The following PCSK5 variants were observed in gnomAD, a reference collection of about 807,000 sequenced individuals.
PCSK5 encodes prohormone convertase 5.
In PCSK5, 129 loss-of-function variants were observed where a neutral mutation model predicts 233.2. That is an observed-to-expected ratio of 0.55 (90% confidence interval 0.48 to 0.64). PCSK5 has a LOEUF of 0.64. Among genes scored for constraint, PCSK5 ranks in the 30% least tolerant of loss-of-function variants. The pLI is 0.00. For synonymous variants in PCSK5, 825 were observed against 879.2 expected (o/e 0.94, Z 1.09); for missense variants, 2,076 against 2,430.1 (o/e 0.85, Z 3.06).
At chr9:76,111,389 A>T (rs1359451109) in intron 9 of PCSK5, among the ~76,000 whole-genome samples, 1 of 152,192 alleles carries the variant, frequency 6.6e-6, no homozygotes, top group Non-Finnish European at 1.5e-5. Context: ...TGACAGTCTC[A>T]TCATGAGTCT....
rs540255145 is a variant in PCSK5 at position 76,166,862 on chromosome 9, T to TG, written c.1620-2842_1620-2841insG. Among the ~76,000 whole-genome samples, 28 of 152,344 alleles carry TG rather than the reference T, an allele frequency of 1.8e-4. No homozygotes were observed. In the South Asian group the frequency reaches 5.6e-3, roughly 30 times the overall value. On this transcript the variant is annotated intron_variant, in intron 12 of 37. Transcript: ENST00000674117. The stretch of plus-strand genomic sequence containing the variant: ...AACATCTCTCTGTTAGAAAGGGCAG[T>TG]TTGAAAAAGCTCCTCTTCCCCTTCT...
chr9:76,046,155 C>CTTTTGGTTTTT (rs1829363745), intron 5 of PCSK5, among the ~76,000 whole-genome samples: 1 of 55,702 alleles, frequency 1.8e-5, no homozygotes, highest in African/African-American at 5.2e-5. Context: ...ATAATTTTTT[C>CTTTTGGTTTTT]TTTTGTTTTT....
Position 75,908,984 on chromosome 9 carries a change from T to TATCTATCTATCTATC in PCSK5, c.192+17618_192+17619insTATCTATCATCTATC, listed in dbSNP as rs1361343985. Among the ~76,000 whole-genome samples, 11 of 141,812 alleles carry TATCTATCTATCTATC rather than the reference T, an allele frequency of 7.8e-5. No individual in the cohort carries two copies. In the East Asian group the frequency reaches 1.9e-3, roughly 25 times the overall value. 93.0% of individuals were successfully genotyped at this position (141,812 alleles called of 152,430 possible). ...CTATCTATCTATCTATCTATCTATC[T>TATCTATCTATCTATC]ATCTATCCGATTTTCTCTCCTCTGC... On this transcript the variant is annotated intron_variant, in intron 1 of 37. Coordinates refer to ENST00000674117, the MANE Select transcript of PCSK5 (RefSeq NM_001372043.1).
intron 20 of PCSK5, among the ~76,000 whole-genome samples, chr9:76,201,142 T>A (rs11144793): frequency 0.16 from 24,087 of 152,206 alleles, 2,382 homozygotes; most frequent in Non-Finnish European, 0.22. Context: ...AAGGCCTGTT[T>A]GCAAAACTGG....
chr9:76,055,086 C>T (rs58431839), intron 5 of PCSK5, among the ~76,000 whole-genome samples: 2,644 of 151,990 alleles, frequency 0.017, 79 homozygotes, highest in African/African-American at 0.057. Context: ...GTACATTATT[C>T]CCGATGGCCA....
At chr9:75,939,171 C>A (rs924129363) in intron 2 of PCSK5, among the ~76,000 whole-genome samples, 1 of 152,158 alleles carries the variant, frequency 6.6e-6, no homozygotes, top group Non-Finnish European at 1.5e-5. Flanking sequence ...GCCCAGAGAA[C>A]AAGAATAGCC....
intron 9 of PCSK5, among the ~76,000 whole-genome samples, chr9:76,115,446 CT>C (rs1832386163): frequency 6.6e-6 from 1 of 152,090 alleles, no homozygotes; most frequent in African/African-American, 2.4e-5. Flanking sequence ...GCAAATTAAC[CT>C]TTATGCAGTT....
At chr9:76,052,628 G>T (rs1038923971) in intron 5 of PCSK5, among the ~76,000 whole-genome samples, 1 of 152,086 alleles carries the variant, frequency 6.6e-6, no homozygotes, top group African/African-American at 2.4e-5. Flanking sequence ...TTTGGGTGGG[G>T]ACACAGCCAA....
rs549406434 is a variant in PCSK5, at chr9:76,048,642, T to C, written c.633-19313T>C. 4.3e-4 allele frequency among the ~76,000 whole-genome samples: 66 copies of C among 152,326 alleles called. 1 individual carries two copies. Among genetic ancestry groups the C allele is most frequent in the Admixed American group, 6.5e-4 (10 of 15,308 alleles). On this transcript the variant is annotated intron_variant, in intron 5 of 37. Coordinates refer to ENST00000674117, the MANE Select transcript of PCSK5 (RefSeq NM_001372043.1). ...GTCACTTAACCTGCAAGAATTTCCA[T>C]TTTCTTACCTATAAGGTGGGGATAA...
intron 1 of PCSK5, among the ~76,000 whole-genome samples, chr9:75,915,597 C>A (rs1822952603): frequency 6.6e-6 from 1 of 152,146 alleles, no homozygotes; most frequent in Non-Finnish European, 1.5e-5. Flanking sequence ...ACTAAATTAC[C>A]TGCGTGTATT....
chr9:75,907,582 A>G (rs1348901795), intron 1 of PCSK5, among the ~76,000 whole-genome samples: 1 of 152,124 alleles, frequency 6.6e-6, no homozygotes. Context: ...TTTTGGTATG[A>G]AAGTCAGAGT....
chr9:76,302,223 AG>A lies in PCSK5; in HGVS notation c.3604+9del. On this transcript the variant is annotated splice_region_variant and intron_variant, in intron 28 of 37. Transcript: ENST00000674117. ...GAAAGTTCAAATCAAAAGAGGTAAC[AG>A]GGAAATAGGGAGGCAACAATCACAG... 1 of 1,274,080 alleles carries A rather than the reference AG, an allele frequency of 7.8e-7. No homozygotes were observed. The highest frequency in any genetic ancestry group is 1.1e-6 in the Non-Finnish European group (1 of 952,018). 78.9% of individuals were successfully genotyped at this position (1,274,080 alleles called of 1,614,324 possible). A position where few individuals can be genotyped will look rare whatever the true frequency, so the allele number is the denominator to read the frequency against.
chr9:76,315,839 C>T (rs138661358), intron 30 of PCSK5, among the ~76,000 whole-genome samples: 10,330 of 151,174 alleles, frequency 0.068, 412 homozygotes, highest in Non-Finnish European at 0.084. Flanking sequence ...GCCATGTTGG[C>T]CAAGCTGGTC....
At chr9:76,177,281 A>T (rs532368603) in intron 14 of PCSK5, among the ~76,000 whole-genome samples, 1,946 of 152,216 alleles carry the variant, frequency 0.013, 25 homozygotes, top group Middle Eastern at 0.024. Flanking sequence ...GAACAGAGTG[A>T]GACTCAGTCT....
intron 5 of PCSK5, among the ~76,000 whole-genome samples, chr9:76,030,422 G>A (rs11144721): frequency 0.08 from 12,188 of 152,110 alleles, 1,513 homozygotes; most frequent in African/African-American, 0.27. Flanking sequence ...AAATATTTTA[G>A]GGAAGCCACA....
At chr9:76,263,698 C>A (rs1434779183) in intron 24 of PCSK5, among the ~76,000 whole-genome samples, 1 of 151,672 alleles carries the variant, frequency 6.6e-6, no homozygotes. Context: ...TTAATGGGTG[C>A]AGCACACCAG....
At chr9:76,181,021 A>G (rs1040673795) in intron 15 of PCSK5, among the ~76,000 whole-genome samples, 2 of 152,200 alleles carry the variant, frequency 1.3e-5, no homozygotes, top group African/African-American at 4.8e-5. Flanking sequence ...ATGACAAACA[A>G]CACACGAAAA....
chr9:76,058,162 T>C (rs1829891921), intron 5 of PCSK5, among the ~76,000 whole-genome samples: 1 of 152,232 alleles, frequency 6.6e-6, no homozygotes. Context: ...AGGGACTTTT[T>C]AGTGCATGGT....
chr9:76,015,388 C>G (rs1415722183), intron 3 of PCSK5, among the ~76,000 whole-genome samples: 1 of 152,222 alleles, frequency 6.6e-6, no homozygotes, highest in Non-Finnish European at 1.5e-5. Context: ...TACCAGCTCT[C>G]TGGGCATTCC....
Sources: allele counts gnomAD v4.1 joint callset (sites outside exome capture counted in the v4.1 genomes callset), GRCh38; gene constraint gnomAD v4.1.1; transcripts MANE v1.5; gene names NCBI Gene and HGNC (gene_info 2026-07-23, HGNC 2026-07-21).